The following TMCC1 variants were observed in gnomAD, a reference collection of about 807,000 sequenced individuals.
TMCC1 encodes transmembrane and coiled-coil domains protein 1.
In TMCC1, 15 loss-of-function variants were observed where a neutral mutation model predicts 52.4. That is an observed-to-expected ratio of 0.29 (90% CI 0.19 to 0.44). The LOEUF (loss-of-function observed/expected upper bound fraction) is 0.44, where lower values mean the gene tolerates loss of function less well. Among genes scored for constraint, TMCC1 ranks in the 20% least tolerant of loss-of-function variants. TMCC1 has a pLI of 1.00. For missense variants in TMCC1, 503 were observed against 806.0 expected (o/e 0.62, Z 4.55); for synonymous variants, 279 against 301.9 (o/e 0.92, Z 0.79).
intron 4 of TMCC1, among the ~76,000 whole-genome samples, chr3:129,723,360 C>CTTTTTTTT (rs62761061): frequency 9.5e-6 from 1 of 105,616 alleles, no homozygotes; most frequent in African/African-American, 3.6e-5. Context: ...AAATCTTTTT[C>CTTTTTTTT]TTTTTTTTTT....
intron 4 of TMCC1, among the ~76,000 whole-genome samples, chr3:129,720,472 T>C (rs1008932373): frequency 5.3e-5 from 8 of 152,002 alleles, no homozygotes; most frequent in African/African-American, 1.7e-4. Flanking sequence ...TGGATGAGTG[T>C]TAAAAAGAAA....
intron 4 of TMCC1, among the ~76,000 whole-genome samples, chr3:129,692,808 AGTTT>A (rs2047120513): frequency 6.6e-6 from 1 of 152,154 alleles, no homozygotes; most frequent in Admixed American, 6.6e-5. Context: ...CTAAAGTAAC[AGTTT>A]GTTAAAGAAT....
intron 4 of TMCC1, among the ~76,000 whole-genome samples, chr3:129,784,399 T>C (rs576696850): frequency 6.6e-6 from 1 of 151,648 alleles, no homozygotes; most frequent in Non-Finnish European, 1.5e-5. Flanking sequence ...ACCCCGTCTC[T>C]ACTAAAAATA....
chr3:129,766,154 G>A (rs915057618), intron 4 of TMCC1, among the ~76,000 whole-genome samples: 2 of 152,138 alleles, frequency 1.3e-5, no homozygotes, highest in African/African-American at 2.4e-5. Context: ...TAATCCCTTC[G>A]TCTTTCCTAA....
At chr3:129,819,196 C>T (rs1221847265) in intron 4 of TMCC1, among the ~76,000 whole-genome samples, 1 of 152,182 alleles carries the variant, frequency 6.6e-6, no homozygotes, top group African/African-American at 2.4e-5. Context: ...GATTCTCCTG[C>T]CTCAGCCTCC....
At chr3:129,756,111 A>G (rs888683217) in intron 4 of TMCC1, among the ~76,000 whole-genome samples, 1 of 125,706 alleles carries the variant, frequency 8.0e-6, no homozygotes, top group African/African-American at 2.5e-5. Context: ...AAAAAAAAAA[A>G]AAAAGAAAAA....
At chr3:129,722,225 G>A (rs1469480710) in intron 4 of TMCC1, among the ~76,000 whole-genome samples, 1 of 152,148 alleles carries the variant, frequency 6.6e-6, no homozygotes, top group Non-Finnish European at 1.5e-5. Context: ...TACCACCTGA[G>A]CTCCACCTCC....
At chr3:129,883,893 A>AT (rs1438741311) in intron 1 of TMCC1, among the ~76,000 whole-genome samples, 1 of 151,768 alleles carries the variant, frequency 6.6e-6, no homozygotes, top group Non-Finnish European at 1.5e-5. Flanking sequence ...GAAAAAATAT[A>AT]TTTTTGAAAG....
chr3:129,849,261 G>C (rs914692717), intron 2 of TMCC1, among the ~76,000 whole-genome samples: 2 of 152,044 alleles, frequency 1.3e-5, no homozygotes, highest in African/African-American at 4.8e-5. Context: ...TCAGGAGTTC[G>C]AGACCAGCCT....
intron 4 of TMCC1, among the ~76,000 whole-genome samples, chr3:129,798,351 T>C (rs1022101060): frequency 5.3e-5 from 8 of 151,902 alleles, no homozygotes; most frequent in Admixed American, 3.3e-4. Context: ...CTCGCAGAGA[T>C]AGTGAAACAG....
chr3:129,814,165 G>A (rs1005997640), intron 4 of TMCC1, among the ~76,000 whole-genome samples: 1 of 152,060 alleles, frequency 6.6e-6, no homozygotes, highest in Admixed American at 6.6e-5. Flanking sequence ...TGAGCGTAAG[G>A]TTTAGATAAG....
chr3:129,845,513 T>C (rs1457509526), intron 2 of TMCC1, among the ~76,000 whole-genome samples: 2 of 152,170 alleles, frequency 1.3e-5, no homozygotes, highest in East Asian at 3.9e-4. Context: ...AATTTTCAAA[T>C]GCTTTTTGAA....
chr3:129,733,168 C>T (rs2050679129), intron 4 of TMCC1, among the ~76,000 whole-genome samples: 1 of 152,138 alleles, frequency 6.6e-6, no homozygotes, highest in Non-Finnish European at 1.5e-5. Context: ...GTGTTTGCTC[C>T]ATCTTACCCA....
At chr3:129,843,341 C>G (rs1198339596) in intron 2 of TMCC1, among the ~76,000 whole-genome samples, 1 of 150,120 alleles carries the variant, frequency 6.7e-6, no homozygotes, top group East Asian at 1.9e-4. Context: ...AGCAAGACAC[C>G]GTCTCAAAAA....
At position 129,685,945 on chromosome 3, in the gene TMCC1, C is replaced by T. The variant is rs557522236; in HGVS notation, c.577-14681G>A. ...ACATCTTCTGCCTTCTACCTATATC[C>T]GATCCAACAATAAGGCCAATCAATT... On this transcript the variant is annotated intron_variant, in intron 4 of 6. Coordinates refer to ENST00000393238, the MANE Select transcript of TMCC1 (RefSeq NM_001017395.5). Among the ~76,000 whole-genome samples, 16 of 152,244 alleles carry T rather than the reference C, an allele frequency of 1.1e-4. No individual in the cohort carries two copies. In the South Asian group the frequency reaches 1.7e-3, roughly 16 times the overall value.
intron 1 of TMCC1, among the ~76,000 whole-genome samples, chr3:129,888,897 T>C (rs935368102): frequency 2.6e-5 from 4 of 152,168 alleles, no homozygotes; most frequent in African/African-American, 9.7e-5. Flanking sequence ...AGCCCTGTGG[T>C]CTTCCTTCCA....
At chr3:129,798,917 G>T (rs112946077) in intron 4 of TMCC1, among the ~76,000 whole-genome samples, 6 of 152,156 alleles carry the variant, frequency 3.9e-5, no homozygotes, top group African/African-American at 1.4e-4. Flanking sequence ...CCCCTTAAAT[G>T]AGATTCTTTT....
intron 2 of TMCC1, among the ~76,000 whole-genome samples, 172 bp from the exon 3 acceptor site, chr3:129,832,998 A>AT (rs2058989223): frequency 5.3e-5 from 8 of 152,140 alleles, no homozygotes; most frequent in Admixed American, 3.3e-4. Context: ...GTATTTTCTA[A>AT]TTTTTTAAAG....
chr3:129,671,477 C>G (rs2087938110), intron 4 of TMCC1, among the ~76,000 whole-genome samples: 1 of 152,150 alleles, frequency 6.6e-6, no homozygotes, highest in South Asian at 2.1e-4. Flanking sequence ...GAAAAAAGAT[C>G]TGCACAAGAT....
Sources: allele counts gnomAD v4.1 joint callset (sites outside exome capture counted in the v4.1 genomes callset), GRCh38; gene constraint gnomAD v4.1.1; transcripts MANE v1.5; gene names NCBI Gene and HGNC (gene_info 2026-07-23, HGNC 2026-07-21).